The following WIZ variants were observed in gnomAD, a reference collection of about 807,000 sequenced individuals.
WIZ encodes protein Wiz.
WIZ carries 25 observed loss-of-function variants against 140.2 expected under a neutral mutation model. The observed-to-expected ratio is 0.18, with a 90% CI of 0.13 to 0.25. The LOEUF (loss-of-function observed/expected upper bound fraction) is 0.25. WIZ is among the 10% of genes least tolerant of loss of function. The pLI is 1.00. For missense variants in WIZ, 2,231 were observed against 2,632.6 expected, an observed-to-expected ratio of 0.85 and a Z score of 3.34; for synonymous variants, 1,125 against 1,154.3, an observed-to-expected ratio of 0.97 and a Z score of 0.51.
chr19:15,440,336 C>G lies in WIZ; in HGVS notation c.658G>C (p.Val220Leu), dbSNP rs1024412947. ...GTCTTCGGGGTGTCTTCCACTGGCACAAACACCCTCCTGAAGGGGGCGAGG... is the reference window on the plus strand; with the variant it reads ...GTCTTCGGGGTGTCTTCCACTGGCAGAAACACCCTCCTGAAGGGGGCGAGG... ...PPLAPFRRVF[V>L]PVEDTPKTLD... Residue 220 changes from valine to leucine, a missense_variant, in exon 4 of 13, where the codon GTG becomes CTG. Physicochemically the swap from Val to Leu is conservative, Grantham distance 32. Transcript: ENST00000673675. This position sits in a 1 kb window ranked among gnomAD's most constrained non-coding sequence, Gnocchi z 6.2. The G allele has an allele frequency of 6.6e-7, 1 of 1,525,116 alleles. No individual in the cohort carries two copies. The highest frequency in any genetic ancestry group is 8.8e-7 in the Non-Finnish European group (1 of 1,139,812). The allele number at this position is 1,525,116 out of a possible 1,614,324, so 94.5% of individuals were successfully genotyped here.
chr19:15,435,697 G>T (rs1404922413), intron 5 of WIZ, among the ~76,000 whole-genome samples: 2 of 152,042 alleles, frequency 1.3e-5, no homozygotes, highest in East Asian at 3.9e-4. Flanking sequence ...GCCAGGCGTG[G>T]TGGTGCACGC....
At chr19:15,432,941 A>T (rs1162141146) in intron 5 of WIZ, among the ~76,000 whole-genome samples, 1 of 151,678 alleles carries the variant, frequency 6.6e-6, no homozygotes, top group African/African-American at 2.4e-5. Flanking sequence ...TGGCTAGCGG[A>T]TGCACCCACG....
At chr19:15,436,123 GA>G (rs1969507499) in intron 5 of WIZ, among the ~76,000 whole-genome samples, 2 of 151,770 alleles carry the variant, frequency 1.3e-5, no homozygotes, top group Non-Finnish European at 2.9e-5. Context: ...ACTCCATCTC[GA>G]AAAAAAAGAA....
At position 15,448,218 on chromosome 19, in the gene WIZ, G is replaced by C. The variant is rs181434938; in HGVS notation, c.90C>G (p.Ile30Met). The C allele has an allele frequency of 6.2e-7, 1 of 1,613,318 alleles. No homozygotes were observed. Among genetic ancestry groups the C allele is most frequent in the Non-Finnish European group, 8.5e-7 (1 of 1,179,596 alleles). The stretch of plus-strand genomic sequence containing the variant: ...CCTCAGCAGCTTCGGCCCCACCCTC[G>C]ATGTTCTCCCTTGGCGCCGGGCCAG... ...RLPGPAPREN[I>M]EGGAEAAEGE... Residue 30 changes from isoleucine to methionine, a missense_variant, in exon 2 of 13, where the codon ATC becomes ATG. Ile to Met is a conservative substitution (Grantham distance 10). This residue lies in a region of WIZ where 85 missense variants were observed against 90.9 expected (regional missense o/e 0.94). Coordinates refer to ENST00000673675, the MANE Select transcript of WIZ (RefSeq NM_001371589.1).
Position 15,427,588 on chromosome 19 carries a change from C to G in WIZ, c.3815-55G>C. The stretch of plus-strand genomic sequence containing the variant: ...CATCGTGGAACTGCCAGCATGGTCA[C>G]CTGCAGGAGTGTCCTGGTCGGCTGG... On this transcript the variant is annotated intron_variant, in intron 8 of 12. Transcript: ENST00000673675. This position sits in a 1 kb window ranked among gnomAD's most constrained non-coding sequence, Gnocchi z 6.4. 6.5e-7 allele frequency: 1 copy of G among 1,549,692 alleles called. No individual in the cohort carries two copies. The highest frequency in any genetic ancestry group is 1.8e-5 in the Admixed American group (1 of 55,424).
At chr19:15,432,384 C>T (rs1339251116) in intron 5 of WIZ, 40 of 965,258 alleles carry the variant, frequency 4.1e-5, no homozygotes, top group Non-Finnish European at 4.7e-5. Flanking sequence ...CACCGGCAGG[C>T]GGGATTCCGA....
chr19:15,427,608 G>A lies in WIZ; in HGVS notation c.3815-75C>T, dbSNP rs1334468524. The stretch of plus-strand genomic sequence containing the variant: ...GGTCACCTGCAGGAGTGTCCTGGTC[G>A]GCTGGGCGTGGGCGGCAGCAGCACG... On this transcript the variant is annotated intron_variant, in intron 8 of 12. Transcript: ENST00000673675. The surrounding 1 kb of genome is among the most constrained non-coding windows in gnomAD (Gnocchi z 6.4). 27 of 1,489,000 alleles carry A rather than the reference G, an allele frequency of 1.8e-5. No homozygotes were observed. The highest frequency in any genetic ancestry group is 3.9e-5 in the South Asian group (3 of 76,592). The allele number at this position is 1,489,000 out of a possible 1,614,324, so 92.2% of individuals were successfully genotyped here. A position where few individuals can be genotyped will look rare whatever the true frequency, so the allele number is the denominator to read the frequency against.
In WIZ at chr19:15,428,235, G is replaced by T; in HGVS notation, c.3689C>A (p.Pro1230Gln). ...GGCCTTCAGCTTGGCCTTCTTGGCC[G>T]GCGGTGGGGGGGGAAGCAAGGAGAG... is the stretch of plus-strand genomic sequence containing the variant. ...AALSLLPPPPPAKKAKLKAAG... is the reference protein window; with the variant it reads ...AALSLLPPPPQAKKAKLKAAG... The change falls in exon 8 of 13, where the codon CCG (proline) becomes CAG (glutamine). Residue 1230 changes from proline (P) to glutamine (Q), a missense_variant. By Grantham distance (76) the Pro-to-Gln change is moderately conservative. Transcript: ENST00000673675. The surrounding 1 kb of genome is among the most constrained non-coding windows in gnomAD (Gnocchi z 6.4). 1 of 1,531,604 alleles carries T rather than the reference G, an allele frequency of 6.5e-7. No individual in the cohort carries two copies. The highest frequency in any genetic ancestry group is 1.2e-5 in the South Asian group (1 of 83,754). The allele number at this position is 1,531,604 out of a possible 1,614,324, so 94.9% of individuals were successfully genotyped here.
At chr19:15,434,481 T>C (rs143328947) in intron 5 of WIZ, among the ~76,000 whole-genome samples, 1,879 of 149,126 alleles carry the variant, frequency 0.013, 25 homozygotes, top group African/African-American at 0.044. Flanking sequence ...AAGAATGGTG[T>C]GAACCCAGGA....
intron 5 of WIZ, chr19:15,433,456 G>C (rs1969394091): frequency 1.6e-6 from 1 of 620,434 alleles, no homozygotes; most frequent in Non-Finnish European, 2.0e-6. Flanking sequence ...CCCTAATGTT[G>C]CATATCCTTA....
intron 6 of WIZ, 131 bp downstream of exon 6, chr19:15,430,881 G>T: frequency 1.7e-6 from 2 of 1,150,654 alleles, no homozygotes; most frequent in Non-Finnish European, 2.4e-6. Context: ...TGCCAACCTT[G>T]GTGCCTCAAG....
Position 15,424,662 on chromosome 19 carries a change from G to A in WIZ, c.5265C>T (p.Ser1755=). 1 of 1,590,714 alleles carries A rather than the reference G, an allele frequency of 6.3e-7. No homozygotes were observed. The highest frequency in any genetic ancestry group is 8.5e-7 in the Non-Finnish European group (1 of 1,177,296). ...CCTCAGCCTTCACGGTGCCTGGCGG[G>A]CTGGCTGCCAGAGGCCGCTCACCAC... ...ADGGERPLAA[S]PPGTVKAEEH... The change falls in exon 11 of 13, where the codon AGC becomes AGT. Residue 1755 remains serine (S), a synonymous_variant. Transcript: ENST00000673675. The surrounding 1 kb of genome is among the most constrained non-coding windows in gnomAD (Gnocchi z 9.7).
At chr19:15,445,789 G>A (rs1969899137) in intron 2 of WIZ, among the ~76,000 whole-genome samples, 1 of 152,182 alleles carries the variant, frequency 6.6e-6, no homozygotes, top group South Asian at 2.1e-4. Context: ...CCGTAACGGG[G>A]GACAGAGGAG....
rs1246857361 is a variant in WIZ at position 15,422,353 on chromosome 19, C to G, written c.*723G>C. ...GAGTGGGGGAGGAGAGTCCCACCCCCCAACCCCACCCTCCAGGGCCCCAGA... is the reference window on the plus strand; with the variant it reads ...GAGTGGGGGAGGAGAGTCCCACCCCGCAACCCCACCCTCCAGGGCCCCAGA... On this transcript the variant is annotated 3_prime_UTR_variant, in exon 13 of 13. Coordinates refer to ENST00000673675, the MANE Select transcript of WIZ (RefSeq NM_001371589.1). 1.3e-5 allele frequency: 2 copies of G among 152,316 alleles called. No individual in the cohort carries two copies. The highest frequency in any genetic ancestry group is 2.4e-5 in the African/African-American group (1 of 41,554). The allele number at this position is 152,316 out of a possible 1,614,324, so 9.4% of individuals were successfully genotyped here. A position where few individuals can be genotyped will look rare whatever the true frequency, so the allele number is the denominator to read the frequency against.
At chr19:15,425,844 GAGGA>G (rs1568290436) in intron 9 of WIZ, 76 bp from the exon 10 acceptor site, 1 of 23,440 alleles carries the variant, frequency 4.3e-5, no homozygotes, top group Non-Finnish European at 7.1e-5. Flanking sequence ...GAGGGAGGAG[GAGGA>G]GGGAGGAGGG....
chr19:15,436,521 C>A, intron 5 of WIZ: 1 of 403,252 alleles, frequency 2.5e-6, no homozygotes, highest in Non-Finnish European at 4.4e-6. Flanking sequence ...GTGCTTAGAA[C>A]GATGCCTGGC....
At chr19:15,432,443 G>T in intron 5 of WIZ, 1 of 984,406 alleles carries the variant, frequency 1.0e-6, no homozygotes, top group Non-Finnish European at 1.2e-6. Context: ...CCGGGCGCGG[G>T]AGCGGACGCG....
rs951925567 is a variant in WIZ, at chr19:15,440,789, C to A, written c.279-74G>T. ...CCTTCCTAGGGTGGTGATGGGGGTC[C>A]TCCCAGGCCGTTTGAAGCAGGCCCC... On this transcript the variant is annotated intron_variant, in intron 3 of 12. Transcript: ENST00000673675. The surrounding 1 kb of genome is among the most constrained non-coding windows in gnomAD (Gnocchi z 6.2). 22 of 1,404,020 alleles carry A rather than the reference C, an allele frequency of 1.6e-5. No individual in the cohort carries two copies. The Admixed American group carries it at 6.2e-4, about 40-fold the overall frequency. The allele number at this position is 1,404,020 out of a possible 1,614,324, so 87.0% of individuals were successfully genotyped here. A position where few individuals can be genotyped will look rare whatever the true frequency, so the allele number is the denominator to read the frequency against.
Position 15,424,175 on chromosome 19 carries a change from C to T in WIZ, c.5510+8G>A. ...GTGGTCTCCCTCCCTCCCCCAGGGG[C>T]AGCCTACCTGCATTTGAGGGTGTAG... On this transcript the variant is annotated splice_region_variant and intron_variant, in intron 12 of 12. Coordinates refer to ENST00000673675, the MANE Select transcript of WIZ (RefSeq NM_001371589.1). The surrounding 1 kb of genome is among the most constrained non-coding windows in gnomAD (Gnocchi z 9.7). 1.3e-6 allele frequency: 2 copies of T among 1,504,794 alleles called. No individual in the cohort carries two copies. The highest frequency in any genetic ancestry group is 2.5e-5 in the East Asian group (1 of 40,046). 93.2% of individuals were successfully genotyped at this position (1,504,794 alleles called of 1,614,324 possible). A position where few individuals can be genotyped will look rare whatever the true frequency, so the allele number is the denominator to read the frequency against.
Sources: gnomAD v4.1 joint callset for allele counts (sites outside exome capture counted in the v4.1 genomes callset) on GRCh38, gnomAD v4.1.1 for gene constraint, gnomAD v4.1.1 regional missense constraint, Gnocchi (gnomAD v3.1) non-coding constraint, MANE v1.5 for transcripts, NCBI Gene and HGNC (gene_info 2026-07-23, HGNC 2026-07-21) for gene names.